SOCS6: variants seen among roughly 807,000 people sequenced by gnomAD.
SOCS6 encodes the protein suppressor of cytokine signaling 6.
SOCS6 carries 5 observed loss-of-function variants against 27.7 expected under a neutral mutation model. The ratio of observed to expected loss-of-function variants is 0.18; its 90% CI spans 0.09 to 0.38. The LOEUF is 0.38. Among genes scored for constraint, SOCS6 ranks in the 10% least tolerant of loss-of-function variants. The probability of loss-of-function intolerance (pLI) is 1.00; values close to 1 mark genes in which losing one functional copy is unlikely to be tolerated. For missense variants in SOCS6, 595 were observed against 688.1 expected (o/e 0.86, Z 1.51); for synonymous variants, 271 against 260.0 (o/e 1.04, Z -0.41).
At chr18:70,311,088 C>T (rs1286143901) in intron 1 of SOCS6, among the ~76,000 whole-genome samples, 1 of 152,152 alleles carries the variant, frequency 6.6e-6, no homozygotes, top group Non-Finnish European at 1.5e-5. Flanking sequence ...TTCCCTCATT[C>T]CTCCTGGTCT....
intron 1 of SOCS6, among the ~76,000 whole-genome samples, chr18:70,308,269 G>C (rs555222515): frequency 1.1e-4 from 17 of 152,308 alleles, no homozygotes; most frequent in South Asian, 8.3e-4. Flanking sequence ...AGACTGGAGT[G>C]CAGTGGCGTA....
chr18:70,306,859 C>CTGTA (rs2062371751), intron 1 of SOCS6, among the ~76,000 whole-genome samples: 1 of 152,066 alleles, frequency 6.6e-6, no homozygotes, highest in Non-Finnish European at 1.5e-5. Context: ...TATTAGTATG[C>CTGTA]TGTAGTGCAT....
chr18:70,312,770 GA>G (rs1255089257), intron 1 of SOCS6, among the ~76,000 whole-genome samples: 7 of 92,806 alleles, frequency 7.5e-5, no homozygotes, highest in African/African-American at 2.3e-4. Context: ...AAATTCTTTG[GA>G]TTTTTTTTTT....
At chr18:70,306,433 A>AGTG (rs1438709878) in intron 1 of SOCS6, among the ~76,000 whole-genome samples, 2 of 135,966 alleles carry the variant, frequency 1.5e-5, no homozygotes, top group Non-Finnish European at 3.1e-5. Flanking sequence ...CAGTGAGCTG[A>AGTG]GATCGTGCCA....
intron 1 of SOCS6, chr18:70,296,629 C>T (rs948278631): frequency 6.6e-6 from 1 of 152,200 alleles, no homozygotes; most frequent in Non-Finnish European, 1.5e-5. Flanking sequence ...GCTCCGTTGT[C>T]GTCCGGTTTT....
At position 70,317,997 on chromosome 18, in the gene SOCS6, GCACA is replaced by G. The variant is rs1247454556; in HGVS notation, c.-126-6542_-126-6539del. 4.6e-5 allele frequency among the ~76,000 whole-genome samples: 7 copies of G among 152,212 alleles called. No individual in the cohort carries two copies. In the East Asian group the frequency reaches 1.4e-3, roughly 29 times the overall value. Reference sequence around the variant, plus strand: ...GCCTCCTGAGTAGCTTGAACTGCAAGCACACACTATCACACCCAGCTAATTTTTG... The same window carrying G: ...GCCTCCTGAGTAGCTTGAACTGCAAGCACTATCACACCCAGCTAATTTTTG... On this transcript the variant is annotated intron_variant, in intron 1 of 1. Transcript: ENST00000397942.
In SOCS6 at chr18:70,329,715, G is replaced by C. The variant is rs1297575220; in HGVS notation, c.*3439G>C. On this transcript the variant is annotated 3_prime_UTR_variant, in exon 2 of 2. Transcript: ENST00000397942. ...CGTAAATAACTTTAAAATTCTAAAA[G>C]TGTTGGTACACTAGCAATCACAAAT... is the stretch of plus-strand genomic sequence containing the variant. 1.2e-5 allele frequency: 2 copies of C among 167,040 alleles called. No homozygotes were observed. The highest frequency in any genetic ancestry group is 2.9e-5 in the Non-Finnish European group (2 of 68,086). 10.3% of individuals were successfully genotyped at this position (167,040 alleles called of 1,614,324 possible). A position where few individuals can be genotyped will look rare whatever the true frequency, so the allele number is the denominator to read the frequency against.
chr18:70,291,833 A>C (rs570760314), intron 1 of SOCS6, among the ~76,000 whole-genome samples: 2 of 152,218 alleles, frequency 1.3e-5, no homozygotes, highest in Non-Finnish European at 2.9e-5. Flanking sequence ...AATTCCAAAT[A>C]CTAGTATATG....
rs150688563 is a variant in SOCS6 at position 70,318,653 on chromosome 18, C to T, written c.-126-5890C>T. The stretch of plus-strand genomic sequence containing the variant: ...AATCAGATCTTAAAATGTTTTTCTT[C>T]TAGGCCGGACGTGGTGGCTCACGCC... On this transcript the variant is annotated intron_variant, in intron 1 of 1. Transcript: ENST00000397942. Among the ~76,000 whole-genome samples the T allele has an allele frequency of 1.1e-4, 17 of 150,726 alleles. No homozygotes were observed. The East Asian group carries it at 3.1e-3, about 28-fold the overall frequency.
intron 1 of SOCS6, among the ~76,000 whole-genome samples, chr18:70,313,307 A>C (rs2146283127): frequency 6.6e-6 from 1 of 152,228 alleles, no homozygotes; most frequent in East Asian, 1.9e-4. Flanking sequence ...TTACAACATT[A>C]ATCCTTTGTC....
intron 1 of SOCS6, among the ~76,000 whole-genome samples, chr18:70,297,140 T>C (rs951587843): frequency 5.0e-4 from 76 of 152,256 alleles, no homozygotes; most frequent in African/African-American, 1.8e-3. Context: ...ACAAATAGCA[T>C]CCGCCTCTCA....
At chr18:70,312,252 A>G (rs1385216521) in intron 1 of SOCS6, among the ~76,000 whole-genome samples, 4 of 152,242 alleles carry the variant, frequency 2.6e-5, no homozygotes, top group Admixed American at 2.6e-4. Context: ...GACTTGGCAC[A>G]TAGTAGGCCA....
intron 1 of SOCS6, among the ~76,000 whole-genome samples, chr18:70,318,867 C>T (rs1255029827): frequency 1.3e-5 from 2 of 151,656 alleles, no homozygotes; most frequent in Non-Finnish European, 2.9e-5. Flanking sequence ...AACTGAGAGA[C>T]AGAGGTTTCA....
At chr18:70,295,673 A>C (rs1489051918) in intron 1 of SOCS6, among the ~76,000 whole-genome samples, 1 of 152,236 alleles carries the variant, frequency 6.6e-6, no homozygotes, top group Admixed American at 6.5e-5. Flanking sequence ...AGCAAATACC[A>C]GTGCAGAGAA....
intron 1 of SOCS6, among the ~76,000 whole-genome samples, chr18:70,302,739 G>A (rs1368273348): frequency 1.3e-5 from 2 of 150,462 alleles, no homozygotes; most frequent in African/African-American, 4.9e-5. Flanking sequence ...ATTCAAAGCC[G>A]GTTCCTAACT....
At chr18:70,309,541 A>G (rs1328849812) in intron 1 of SOCS6, among the ~76,000 whole-genome samples, 1 of 152,206 alleles carries the variant, frequency 6.6e-6, no homozygotes, top group African/African-American at 2.4e-5. Context: ...TTGTCTAAGT[A>G]ATTTTATTTG....
At chr18:70,323,621 T>C (rs1312112083) in intron 1 of SOCS6, among the ~76,000 whole-genome samples, 1 of 152,216 alleles carries the variant, frequency 6.6e-6, no homozygotes, top group African/African-American at 2.4e-5. Flanking sequence ...TTGAGCTTCT[T>C]CCTCCTCTGT....
At chr18:70,324,336 A>G (rs1020402168) in intron 1 of SOCS6, among the ~76,000 whole-genome samples, 3 of 151,974 alleles carry the variant, frequency 2.0e-5, no homozygotes, top group African/African-American at 4.8e-5. Flanking sequence ...AGTAAACATC[A>G]TCAAATACTT....
At chr18:70,319,515 G>A (rs1910895560) in intron 1 of SOCS6, among the ~76,000 whole-genome samples, 1 of 150,538 alleles carries the variant, frequency 6.6e-6, no homozygotes, top group South Asian at 2.1e-4. Context: ...TAAAACTGAT[G>A]ATGCCTTACC....
Sources: allele counts gnomAD v4.1 joint callset (sites outside exome capture counted in the v4.1 genomes callset), GRCh38; gene constraint gnomAD v4.1.1; transcripts MANE v1.5; gene names NCBI Gene and HGNC (gene_info 2026-07-23, HGNC 2026-07-21).